The following VRTN variants were observed in gnomAD, a reference collection of about 807,000 sequenced individuals.
VRTN encodes the protein vertnin.
A neutral mutation model predicts 18.2 loss-of-function variants in VRTN; 5 were observed. That is an observed-to-expected ratio of 0.27 (90% CI 0.14 to 0.58). The LOEUF (loss-of-function observed/expected upper bound fraction) is 0.58. Ranked by LOEUF, VRTN falls within the 20% of genes least tolerant of loss-of-function variation. The pLI is 0.91. For synonymous variants in VRTN, 381 were observed against 393.7 expected, an observed-to-expected ratio of 0.97 and a Z score of 0.38; for missense variants, 741 against 939.4, an observed-to-expected ratio of 0.79 and a Z score of 2.76.
At chr14:74,333,764 C>T (rs2085544606) in intron 1 of VRTN, among the ~76,000 whole-genome samples, 2 of 151,358 alleles carry the variant, frequency 1.3e-5, no homozygotes, top group South Asian at 2.1e-4. Context: ...CGCTTGAACC[C>T]GGGAGGTGGA....
At chr14:74,351,875 C>T (rs1023032392) in intron 1 of VRTN, among the ~76,000 whole-genome samples, 1 of 151,936 alleles carries the variant, frequency 6.6e-6, no homozygotes, top group African/African-American at 2.4e-5. Context: ...GACGGAGTCT[C>T]GCTCTGTTTC....
At chr14:74,348,814 T>C (rs1238855978) in intron 1 of VRTN, among the ~76,000 whole-genome samples, 162 bp downstream of exon 1, 3 of 151,920 alleles carry the variant, frequency 2.0e-5, no homozygotes, top group Non-Finnish European at 4.4e-5. Flanking sequence ...TGGGAGTGTA[T>C]GTAGAGGGAG....
At chr14:74,326,522 T>C (rs903037672) in intron 1 of VRTN, among the ~76,000 whole-genome samples, 2 of 152,108 alleles carry the variant, frequency 1.3e-5, no homozygotes, top group African/African-American at 2.4e-5. Flanking sequence ...GCCATTCTCA[T>C]ATCTAAACCT....
At chr14:74,303,040 G>A (rs1253588516), upstream of VRTN, 21 of 1,025,640 alleles carry the variant, frequency 2.0e-5, no homozygotes, top group Admixed American at 4.0e-5. Flanking sequence ...CGGGAGACGC[G>A]GACTCTCCCG....
chr14:74,315,559 A>G (rs2085415071), intron 1 of VRTN, among the ~76,000 whole-genome samples: 1 of 152,206 alleles, frequency 6.6e-6, no homozygotes, highest in Non-Finnish European at 1.5e-5. Context: ...AAAAAAGCAA[A>G]CAAAAAGCAT....
At chr14:74,307,670 A>T (rs1428588573) in intron 1 of VRTN, among the ~76,000 whole-genome samples, 1 of 152,140 alleles carries the variant, frequency 6.6e-6, no homozygotes, top group Non-Finnish European at 1.5e-5. Flanking sequence ...AAGGCCATAT[A>T]TCATATTGGT....
rs561529074 is a variant in VRTN, at chr14:74,318,229, G to A, written c.-164+15053G>A. Among the ~76,000 whole-genome samples, 442 of 151,566 alleles carry A rather than the reference G, an allele frequency of 2.9e-3. 4 individuals carry two copies. Among genetic ancestry groups the A allele is most frequent in the African/African-American group, 0.01 (417 of 41,360 alleles). On this transcript the variant is annotated intron_variant, in intron 1 of 2. Transcript: ENST00000557177. ...AGGGATTCTCCTGCCTCAGCCTCCTGAATAGCTGGGATTACAGGCATGTGC... is the reference window on the plus strand; with the variant it reads ...AGGGATTCTCCTGCCTCAGCCTCCTAAATAGCTGGGATTACAGGCATGTGC...
At chr14:74,306,773 T>G (rs1054865729) in intron 1 of VRTN, among the ~76,000 whole-genome samples, 1 of 151,898 alleles carries the variant, frequency 6.6e-6, no homozygotes, top group Non-Finnish European at 1.5e-5. Context: ...TTTTAAGTTT[T>G]TTTTTTTTTT....
intron 1 of VRTN, among the ~76,000 whole-genome samples, chr14:74,352,635 C>T (rs757000058): frequency 6.6e-6 from 1 of 151,540 alleles, no homozygotes; most frequent in Non-Finnish European, 1.5e-5. Flanking sequence ...ACTGTAACCT[C>T]GAACTATGCT....
At chr14:74,331,245 G>A (rs953984073) in intron 1 of VRTN, among the ~76,000 whole-genome samples, 1 of 150,618 alleles carries the variant, frequency 6.6e-6, no homozygotes, top group African/African-American at 2.4e-5. Context: ...CCACAAGTCT[G>A]GGCTGGGCAC....
At position 74,355,099 on chromosome 14, in the gene VRTN, G is replaced by A. The variant is rs138977530; in HGVS notation, c.-1-1684G>A. On this transcript the variant is annotated intron_variant, in intron 1 of 1. Transcript: ENST00000256362. ...AGAGGTTGCAGCCAGTTGAGATTGC[G>A]CCCCTGCACTCCAGCCTGGGTGACA... 7.6e-4 allele frequency among the ~76,000 whole-genome samples: 109 copies of A among 144,348 alleles called. 1 individual carries two copies. Among genetic ancestry groups the A allele is most frequent in the African/African-American group, 2.7e-3 (104 of 38,906 alleles). 94.7% of individuals were successfully genotyped at this position (144,348 alleles called of 152,430 possible).
intron 1 of VRTN, among the ~76,000 whole-genome samples, chr14:74,319,572 AC>A (rs774687010): frequency 0.017 from 2,602 of 152,304 alleles, 79 homozygotes; most frequent in Admixed American, 0.088. Context: ...TGGGGAAAGA[AC>A]AGATTATGTG....
At chr14:74,325,922 T>A (rs775894868) in intron 1 of VRTN, among the ~76,000 whole-genome samples, 1 of 152,202 alleles carries the variant, frequency 6.6e-6, no homozygotes, top group Non-Finnish European at 1.5e-5. Context: ...ATTGAGCACT[T>A]GTTCTGGGCC....
chr14:74,334,327 G>C (rs189224521), intron 1 of VRTN, among the ~76,000 whole-genome samples: 1 of 152,002 alleles, frequency 6.6e-6, no homozygotes, highest in South Asian at 2.1e-4. Flanking sequence ...TCATGAGTTC[G>C]AGACCAGCCT....
intron 1 of VRTN, among the ~76,000 whole-genome samples, chr14:74,320,338 A>G (rs1411805436): frequency 3.7e-5 from 5 of 134,448 alleles, no homozygotes; most frequent in Non-Finnish European, 6.1e-5. Flanking sequence ...TTGGCTCACT[A>G]CAACCTCTGC....
intron 1 of VRTN, among the ~76,000 whole-genome samples, chr14:74,320,674 C>A (rs2085450403): frequency 7.3e-6 from 1 of 137,610 alleles, no homozygotes; most frequent in South Asian, 2.4e-4. Context: ...GCAACCTCTA[C>A]CTCCCGGGTT....
chr14:74,316,435 C>A (rs76386496), intron 1 of VRTN, among the ~76,000 whole-genome samples: 44,758 of 151,264 alleles, frequency 0.3, 7,183 homozygotes, highest in Middle Eastern at 0.56. Context: ...ATCACTTGAA[C>A]CTGGGAGGCA....
chr14:74,335,740 A>ATTTT (rs113250765), intron 1 of VRTN, among the ~76,000 whole-genome samples: 2 of 132,312 alleles, frequency 1.5e-5, no homozygotes, highest in Non-Finnish European at 1.7e-5. Context: ...CAGATGTTCT[A>ATTTT]TTTTTTTTTT....
At chr14:74,337,940 T>C (rs1434571699) in intron 2 of VRTN, 1 of 152,108 alleles carries the variant, frequency 6.6e-6, no homozygotes, top group Non-Finnish European at 1.5e-5. Context: ...TCAAATAAAA[T>C]GTTTCATCTT....
Sources: allele counts gnomAD v4.1 joint callset (sites outside exome capture counted in the v4.1 genomes callset), GRCh38; gene constraint gnomAD v4.1.1; transcripts MANE v1.5; gene names NCBI Gene and HGNC (gene_info 2026-07-23, HGNC 2026-07-21).